The following LRP2 variants were observed in gnomAD, a reference collection of about 807,000 sequenced individuals.
The protein encoded by LRP2 is LDL receptor related protein 2.
In LRP2, 172 loss-of-function variants were observed where a neutral mutation model predicts 531.0. The ratio of observed to expected loss-of-function variants is 0.32; its 90% confidence interval spans 0.29 to 0.37. The LOEUF is 0.37. LRP2 is among the 10% of genes least tolerant of loss of function. LRP2 has a pLI of 1.00. For synonymous variants in LRP2, 1,992 were observed against 2,027.6 expected (o/e 0.98, Z 0.47); for missense variants, 5,167 against 5,868.3 (o/e 0.88, Z 3.90).
At chr2:169,289,180 T>C (rs772873686) in intron 8 of LRP2, 35 bp from the exon 9 acceptor site, 2 of 1,613,194 alleles carry the variant, frequency 1.2e-6, no homozygotes, top group Non-Finnish European at 1.7e-6. Flanking sequence ...AAATGAATGG[T>C]GACCTCTGGA....
chr2:169,298,169 C>T (rs1030651700), intron 4 of LRP2, among the ~76,000 whole-genome samples: 13 of 151,062 alleles, frequency 8.6e-5, no homozygotes, highest in Non-Finnish European at 1.5e-4. Context: ...TTACTTCAAG[C>T]GCTACCCACA....
chr2:169,283,940 A>G (rs1451627195), intron 9 of LRP2, among the ~76,000 whole-genome samples: 1 of 152,190 alleles, frequency 6.6e-6, no homozygotes, highest in Non-Finnish European at 1.5e-5. Flanking sequence ...AGAAATTGGT[A>G]CATCTGACTT....
intron 43 of LRP2, 78 bp from the exon 44 acceptor site, chr2:169,201,948 A>G: frequency 6.4e-7 from 1 of 1,565,656 alleles, no homozygotes; most frequent in Non-Finnish European, 8.7e-7. Context: ...ACAATTAAAT[A>G]AAAGAGACAC....
At chr2:169,238,738 C>T (rs1689696697) in intron 26 of LRP2, among the ~76,000 whole-genome samples, 1 of 152,130 alleles carries the variant, frequency 6.6e-6, no homozygotes, top group Non-Finnish European at 1.5e-5. Context: ...CCAACACCCC[C>T]TCTCTTCTTT....
At chr2:169,130,245 C>A (rs1685235044) in intron 77 of LRP2, among the ~76,000 whole-genome samples, 2 of 151,584 alleles carry the variant, frequency 1.3e-5, no homozygotes, top group East Asian at 3.9e-4. Context: ...TTGGGGGATC[C>A]TATGCATATC....
intron 9 of LRP2, 58 bp from the exon 10 acceptor site, chr2:169,283,059 T>G (rs915415220): frequency 6.3e-7 from 1 of 1,589,218 alleles, no homozygotes; most frequent in Non-Finnish European, 8.6e-7. Flanking sequence ...TTAAGCACTC[T>G]CTGACAAAAA....
intron 21 of LRP2, among the ~76,000 whole-genome samples, chr2:169,245,709 A>G (rs548206757): frequency 6.6e-6 from 1 of 152,358 alleles, no homozygotes; most frequent in African/African-American, 2.4e-5. Flanking sequence ...GGTTAAGACC[A>G]CCATTTCATT....
Position 169,171,088 on chromosome 2 carries a change from G to A in LRP2, c.11264-421C>T, listed in dbSNP as rs1037421185. ...ATTTTATCTTAATTTTTTCTATTTC[G>A]TGAAACTCTAGATAACCTCTTATAG... On this transcript the variant is annotated intron_variant, in intron 58 of 78. Coordinates refer to ENST00000649046, the MANE Select transcript of LRP2 (RefSeq NM_004525.3). Among the ~76,000 whole-genome samples the A allele has an allele frequency of 4.6e-5, 7 of 151,418 alleles. 1 individual carries two copies. The highest frequency in any genetic ancestry group is 8.8e-5 in the Non-Finnish European group (6 of 67,844).
At chr2:169,283,031 C>A in intron 9 of LRP2, 30 bp from the exon 10 acceptor site, 1 of 1,612,492 alleles carries the variant, frequency 6.2e-7, no homozygotes, top group Non-Finnish European at 8.5e-7. Context: ...CATTTGTAGT[C>A]AAGGTTATCA....
Position 169,142,803 on chromosome 2 carries a change from G to A in LRP2, c.12989-10C>T, listed in dbSNP as rs186870588. Reference sequence around the variant, plus strand: ...TTGCAAAGGTTGGGCACTGGAAAGCGGGTGAGAACAGCAGTTAGGTCCTGA... The same window carrying A: ...TTGCAAAGGTTGGGCACTGGAAAGCAGGTGAGAACAGCAGTTAGGTCCTGA... On this transcript the variant is annotated splice_polypyrimidine_tract_variant and intron_variant, in intron 70 of 78. Coordinates refer to ENST00000649046, the MANE Select transcript of LRP2 (RefSeq NM_004525.3). 108 of 1,613,676 alleles carry A rather than the reference G, an allele frequency of 6.7e-5. No homozygotes were observed. Among genetic ancestry groups the A allele is most frequent in the Admixed American group, 3.2e-4 (19 of 60,018 alleles).
intron 50 of LRP2, among the ~76,000 whole-genome samples, chr2:169,183,763 T>C (rs990260791): frequency 2.6e-5 from 4 of 152,210 alleles, no homozygotes; most frequent in African/African-American, 9.7e-5. Flanking sequence ...ATGTGCGTAA[T>C]GGTGGTTTAA....
intron 1 of LRP2, among the ~76,000 whole-genome samples, chr2:169,322,950 T>C (rs778231203): frequency 7.9e-5 from 12 of 152,194 alleles, no homozygotes; most frequent in Non-Finnish European, 1.3e-4. Flanking sequence ...GCAACTTTTA[T>C]TACAAGTCCC....
chr2:169,212,195 G>A lies in LRP2; in HGVS notation c.6053C>T (p.Ser2018Phe), dbSNP rs1204447631. 1 of 1,614,012 alleles carries A rather than the reference G, an allele frequency of 6.2e-7. No individual in the cohort carries two copies. Among genetic ancestry groups the A allele is most frequent in the Non-Finnish European group, 8.5e-7 (1 of 1,179,914 alleles). Reference sequence around the variant, plus strand: ...CATGTTGTTGCTACAGCCATTTGAGGATTCGGCGGCATCTAAATGAAAACA... The same window carrying A: ...CATGTTGTTGCTACAGCCATTTGAGAATTCGGCGGCATCTAAATGAAAACA... ...QVYHRRNAAE[S>F]SNGCSNNMNA... is the part of the protein sequence containing the mutation. Residue 2018 changes from serine to phenylalanine, a missense_variant, in exon 37 of 79, where the codon TCC becomes TTC. Ser to Phe is a radical substitution (Grantham distance 155). Coordinates refer to ENST00000649046, the MANE Select transcript of LRP2 (RefSeq NM_004525.3).
At chr2:169,159,684 T>C (rs1162377001) in intron 63 of LRP2, among the ~76,000 whole-genome samples, 1 of 152,222 alleles carries the variant, frequency 6.6e-6, no homozygotes, top group Non-Finnish European at 1.5e-5. Context: ...TACTGTCCTT[T>C]GAATTTCTGT....
At chr2:169,327,240 C>T (rs1685101286) in intron 1 of LRP2, among the ~76,000 whole-genome samples, 1 of 100,262 alleles carries the variant, frequency 1.0e-5, no homozygotes, top group Non-Finnish European at 2.1e-5. Context: ...GTGGGGGGGT[C>T]AGCCCCACGT....
chr2:169,290,124 A>AG (rs1478068398), intron 8 of LRP2, among the ~76,000 whole-genome samples: 1 of 152,114 alleles, frequency 6.6e-6, no homozygotes, highest in Non-Finnish European at 1.5e-5. Flanking sequence ...CCAAAAAAGG[A>AG]GAAAAAAAAT....
intron 63 of LRP2, among the ~76,000 whole-genome samples, 177 bp downstream of exon 63, chr2:169,162,295 C>A (rs924135503): frequency 2.0e-5 from 3 of 152,204 alleles, no homozygotes; most frequent in Admixed American, 6.5e-5. Context: ...GAATGTTTGA[C>A]ACAATGTCTG....
Position 169,280,527 on chromosome 2 carries a change from C to T in LRP2, c.1172-8G>A, listed in dbSNP as rs115371758. The T allele has an allele frequency of 0.012, 19,752 of 1,613,612 alleles. 142 individuals carry two copies. Among genetic ancestry groups the T allele is most frequent in the Non-Finnish European group, 0.015 (17,403 of 1,179,788 alleles). On this transcript the variant is annotated splice_polypyrimidine_tract_variant and splice_region_variant and intron_variant, in intron 10 of 78. Transcript: ENST00000649046. ...TAATGGAGGCCTCGCCAACTAAATG[C>T]GAAGAAGGAAGGCATCACCACTCCT...
At chr2:169,188,319 T>G in intron 48 of LRP2, 54 bp from the exon 49 acceptor site, 1 of 1,559,980 alleles carries the variant, frequency 6.4e-7, no homozygotes, top group Non-Finnish European at 8.8e-7. Context: ...AAACCTCAAC[T>G]ATTACCCACT....
Sources: allele counts gnomAD v4.1 joint callset (sites outside exome capture counted in the v4.1 genomes callset), GRCh38; gene constraint gnomAD v4.1.1; transcripts MANE v1.5; gene names NCBI Gene and HGNC (gene_info 2026-07-23, HGNC 2026-07-21).